The following AIDA variants were observed in gnomAD, a reference collection of about 807,000 sequenced individuals.
AIDA encodes the protein axin interactor, dorsalization associated, also known as axin interactor, dorsalization-associated protein.
A neutral mutation model predicts 42.7 loss-of-function variants in AIDA; 18 were observed. That is an observed-to-expected ratio of 0.42 (90% CI 0.29 to 0.63). AIDA has a LOEUF of 0.63. Ranked by LOEUF, AIDA falls within the 20% of genes least tolerant of loss-of-function variation. AIDA has a pLI of 0.19. For synonymous variants in AIDA, 104 were observed against 122.9 expected (o/e 0.85, Z 1.02); for missense variants, 250 against 354.1 (o/e 0.71, Z 2.36).
intron 1 of AIDA, among the ~76,000 whole-genome samples, chr1:222,710,929 T>C (rs1334843436): frequency 6.6e-6 from 1 of 152,234 alleles, no homozygotes; most frequent in Admixed American, 6.5e-5. Context: ...CGGGTTTTTG[T>C]CAGAGCTTTT....
intron 6 of AIDA, among the ~76,000 whole-genome samples, chr1:222,685,204 G>C (rs1383164585): frequency 1.3e-5 from 2 of 152,176 alleles, no homozygotes; most frequent in South Asian, 2.1e-4. Flanking sequence ...GATGACAAGC[G>C]TAACAGCCAC....
At chr1:222,689,684 A>G (rs902660416) in intron 4 of AIDA, among the ~76,000 whole-genome samples, 1 of 150,814 alleles carries the variant, frequency 6.6e-6, no homozygotes, top group Admixed American at 6.6e-5. Flanking sequence ...AAAAGAGTCA[A>G]AAGTTTTAAA....
At chr1:222,675,986 T>C in intron 7 of AIDA, 110 bp downstream of exon 7, 2 of 1,238,354 alleles carry the variant, frequency 1.6e-6, no homozygotes, top group Non-Finnish European at 2.2e-6. Flanking sequence ...CTAAAATGAG[T>C]TGTCACATAC....
intron 1 of AIDA, among the ~76,000 whole-genome samples, chr1:222,705,363 G>A (rs996874341): frequency 2.0e-5 from 3 of 152,058 alleles, no homozygotes; most frequent in Non-Finnish European, 4.4e-5. Context: ...GAGTACTCCC[G>A]AGTAATCTAT....
chr1:222,687,794 AG>A, intron 4 of AIDA, 136 bp from the exon 5 acceptor site: 1 of 645,570 alleles, frequency 1.5e-6, no homozygotes, highest in Non-Finnish European at 2.4e-6. Flanking sequence ...ACCATTTGAG[AG>A]CTACACAGTA....
In AIDA at chr1:222,669,622, A is replaced by T. The variant is rs1009534910; in HGVS notation, c.*271T>A. The T allele has an allele frequency of 2.2e-5, 7 of 325,466 alleles. No homozygotes were observed. The highest frequency in any genetic ancestry group is 4.0e-5 in the Non-Finnish European group (7 of 174,442). 20.2% of individuals were successfully genotyped at this position (325,466 alleles called of 1,614,324 possible). A position where few individuals can be genotyped will look rare whatever the true frequency, so the allele number is the denominator to read the frequency against. On this transcript the variant is annotated 3_prime_UTR_variant, in exon 10 of 10. Coordinates refer to ENST00000340020, the MANE Select transcript of AIDA (RefSeq NM_022831.4). ...AGCAGGGTAGGAGTAGTGGTAAATT[A>T]GAAAATAGACTATTAATTGCACAAT...
intron 2 of AIDA, among the ~76,000 whole-genome samples, chr1:222,696,976 T>G (rs2124963713): frequency 6.6e-6 from 1 of 152,274 alleles, no homozygotes; most frequent in East Asian, 1.9e-4. Context: ...GGAGTCTCAC[T>G]CTGTTGCCCA....
At chr1:222,688,996 G>A (rs530047530) in intron 4 of AIDA, among the ~76,000 whole-genome samples, 2 of 152,188 alleles carry the variant, frequency 1.3e-5, no homozygotes, top group Admixed American at 6.5e-5. Flanking sequence ...AGATGTGGAG[G>A]TGGAAGACAG....
At chr1:222,705,772 T>C (rs2124969988) in intron 1 of AIDA, among the ~76,000 whole-genome samples, 1 of 152,058 alleles carries the variant, frequency 6.6e-6, no homozygotes, top group East Asian at 1.9e-4. Context: ...TAATCCCAGC[T>C]ACTGTGGAGG....
chr1:222,706,854 C>CAAA (rs767799244), intron 1 of AIDA, among the ~76,000 whole-genome samples: 21 of 71,960 alleles, frequency 2.9e-4, no homozygotes, highest in South Asian at 4.9e-4. Context: ...GACTGCGCCT[C>CAAA]AAAAAAAAAA....
intron 3 of AIDA, 85 bp downstream of exon 3, chr1:222,694,125 C>A: frequency 7.9e-7 from 1 of 1,258,512 alleles, no homozygotes; most frequent in Non-Finnish European, 1.1e-6. Context: ...GACAATACTG[C>A]TTTTGACATA....
chr1:222,706,744 C>T (rs890423112), intron 1 of AIDA, among the ~76,000 whole-genome samples: 1 of 151,484 alleles, frequency 6.6e-6, no homozygotes, highest in Non-Finnish European at 1.5e-5. Context: ...GTGATGCGCA[C>T]CTGTAATCCC....
chr1:222,681,685 T>C (rs1289509825), intron 6 of AIDA, among the ~76,000 whole-genome samples: 1 of 151,932 alleles, frequency 6.6e-6, no homozygotes, highest in Non-Finnish European at 1.5e-5. Flanking sequence ...TAAAAGAACG[T>C]TTTGAAAACT....
intron 7 of AIDA, among the ~76,000 whole-genome samples, chr1:222,674,737 A>T (rs919043817): frequency 1.3e-5 from 2 of 152,208 alleles, no homozygotes; most frequent in Admixed American, 1.3e-4. Context: ...ATCAAATTCA[A>T]CATGGACTCA....
intron 4 of AIDA, among the ~76,000 whole-genome samples, chr1:222,691,844 A>G (rs1655383540): frequency 6.6e-6 from 1 of 152,200 alleles, no homozygotes; most frequent in African/African-American, 2.4e-5. Context: ...CCAACAAAAA[A>G]GCTGAAAACT....
At chr1:222,708,747 AAC>A (rs143350185) in intron 1 of AIDA, among the ~76,000 whole-genome samples, 35 of 152,308 alleles carry the variant, frequency 2.3e-4, no homozygotes, top group African/African-American at 7.9e-4. Context: ...GATTCTGAGC[AAC>A]AGTTTCTGTG....
intron 6 of AIDA, among the ~76,000 whole-genome samples, chr1:222,676,968 A>G (rs1260807732): frequency 6.6e-6 from 1 of 152,016 alleles, no homozygotes; most frequent in African/African-American, 2.4e-5. Flanking sequence ...TGAAATTGCA[A>G]TGAAGTTTAG....
chr1:222,687,101 A>T (rs1655216947), intron 5 of AIDA, 65 bp from the exon 6 acceptor site: 1 of 1,565,352 alleles, frequency 6.4e-7, no homozygotes. Context: ...GAAGCCTCAC[A>T]GACACTCGTT....
rs928373568 is a variant in AIDA, at chr1:222,697,100, G to A, written c.181-2837C>T. Among the ~76,000 whole-genome samples the A allele has an allele frequency of 6.6e-5, 10 of 151,896 alleles. No individual in the cohort carries two copies. In the South Asian group the frequency reaches 8.3e-4, roughly 13 times the overall value. ...TGGGATTACAGGCATCCACCACCGCGCCCGGCTAATTTCTGTATTTTTATT... is the reference window on the plus strand; with the variant it reads ...TGGGATTACAGGCATCCACCACCGCACCCGGCTAATTTCTGTATTTTTATT... On this transcript the variant is annotated intron_variant, in intron 2 of 9. Coordinates refer to ENST00000340020, the MANE Select transcript of AIDA (RefSeq NM_022831.4).
Sources: gnomAD v4.1 joint callset for allele counts (sites outside exome capture counted in the v4.1 genomes callset) on GRCh38, gnomAD v4.1.1 for gene constraint, MANE v1.5 for transcripts, NCBI Gene and HGNC (gene_info 2026-07-23, HGNC 2026-07-21) for gene names.